The following FBXO36 variants were observed in gnomAD, a reference collection of about 807,000 sequenced individuals.
The protein encoded by FBXO36 is F-box protein 36.
In FBXO36, 18 loss-of-function variants were observed where a neutral mutation model predicts 17.0. The ratio of observed to expected loss-of-function variants is 1.06; its 90% CI spans 0.73 to 1.57. The LOEUF (loss-of-function observed/expected upper bound fraction) is 1.57. FBXO36 is among the 40% of genes most tolerant of loss of function. FBXO36 has a pLI of 0.00. For synonymous variants in FBXO36, 83 were observed against 85.3 expected (o/e 0.97, Z 0.15); for missense variants, 229 against 221.9 (o/e 1.03, Z -0.20).
At chr2:230,001,293 T>G (rs1231540112) in intron 3 of FBXO36, among the ~76,000 whole-genome samples, 1 of 151,430 alleles carries the variant, frequency 6.6e-6, no homozygotes, top group African/African-American at 2.4e-5. Context: ...TCTTTTTTCT[T>G]TTTTTTTCTT....
chr2:229,954,392 G>T (rs1004400808), intron 1 of FBXO36, among the ~76,000 whole-genome samples: 2 of 150,660 alleles, frequency 1.3e-5, no homozygotes, highest in Non-Finnish European at 3.0e-5. Flanking sequence ...ACAGGCATGC[G>T]CCACCACACC....
chr2:229,935,969 T>C (rs1461271215), intron 1 of FBXO36, among the ~76,000 whole-genome samples: 3 of 152,086 alleles, frequency 2.0e-5, no homozygotes, highest in Non-Finnish European at 4.4e-5. Flanking sequence ...GGGTGGATTA[T>C]TTGAGGTTAT....
At chr2:229,993,658 A>G (rs1027424145) in intron 2 of FBXO36, among the ~76,000 whole-genome samples, 1 of 152,222 alleles carries the variant, frequency 6.6e-6, no homozygotes, top group Non-Finnish European at 1.5e-5. Context: ...ACATTTAAAA[A>G]TACCAAAAAA....
At chr2:229,998,852 AAGT>A (rs2077341763) in intron 3 of FBXO36, among the ~76,000 whole-genome samples, 1 of 145,960 alleles carries the variant, frequency 6.9e-6, no homozygotes, top group Non-Finnish European at 1.5e-5. Flanking sequence ...GCCCAGGCTG[AAGT>A]GCAGTGGCGC....
intron 3 of FBXO36, among the ~76,000 whole-genome samples, chr2:230,001,057 C>G (rs2077355994): frequency 6.6e-6 from 1 of 151,740 alleles, no homozygotes; most frequent in Admixed American, 6.6e-5. Context: ...CTGGGTTTCA[C>G]CATGTTGGCC....
At chr2:229,941,076 C>T (rs1160485348) in intron 1 of FBXO36, among the ~76,000 whole-genome samples, 1 of 152,146 alleles carries the variant, frequency 6.6e-6, no homozygotes, top group African/African-American at 2.4e-5. Flanking sequence ...AAGATAGACA[C>T]CTGACTCTAG....
At chr2:229,937,810 T>G (rs1188900034) in intron 1 of FBXO36, 1 of 152,216 alleles carries the variant, frequency 6.6e-6, no homozygotes, top group Non-Finnish European at 1.5e-5. Flanking sequence ...AAAGGGTGTC[T>G]CTTCTTGCTC....
intron 1 of FBXO36, among the ~76,000 whole-genome samples, chr2:229,971,055 A>G (rs2077177540): frequency 6.6e-6 from 1 of 152,164 alleles, no homozygotes; most frequent in Non-Finnish European, 1.5e-5. Flanking sequence ...GTCTCTTTTT[A>G]CAAGTGATAA....
intron 1 of FBXO36, among the ~76,000 whole-genome samples, chr2:229,934,616 A>G (rs1464106030): frequency 1.3e-5 from 2 of 152,132 alleles, no homozygotes; most frequent in Admixed American, 6.6e-5. Context: ...GCACCAAATC[A>G]GTCAGACTTT....
At chr2:229,999,501 A>G (rs1021367290) in intron 3 of FBXO36, among the ~76,000 whole-genome samples, 23 of 143,304 alleles carry the variant, frequency 1.6e-4, no homozygotes, top group Non-Finnish European at 2.1e-4. Context: ...ATATATATGT[A>G]TATATATATA....
intron 1 of FBXO36, among the ~76,000 whole-genome samples, chr2:229,959,719 G>A (rs549070610): frequency 7.2e-5 from 11 of 152,064 alleles, no homozygotes; most frequent in Non-Finnish European, 8.8e-5. Flanking sequence ...GGTGGTGGGC[G>A]CCTGTAGTCC....
In FBXO36 at chr2:229,955,346, A is replaced by G. The variant is rs2077081599; in HGVS notation, c.97-20895A>G. 2.0e-5 allele frequency among the ~76,000 whole-genome samples: 3 copies of G among 152,044 alleles called. No homozygotes were observed. The South Asian group carries it at 6.2e-4, about 32-fold the overall frequency. Reference sequence around the variant, plus strand: ...TTGTTTGAGCCTGGGCAATATGGCAAAACCCTATCTCTATAAAAAATTAGC... The same window carrying G: ...TTGTTTGAGCCTGGGCAATATGGCAGAACCCTATCTCTATAAAAAATTAGC... On this transcript the variant is annotated intron_variant, in intron 1 of 3. Transcript: ENST00000283946.
chr2:229,980,930 T>C (rs1053209898), intron 2 of FBXO36, among the ~76,000 whole-genome samples: 2 of 152,180 alleles, frequency 1.3e-5, no homozygotes, highest in African/African-American at 4.8e-5. Flanking sequence ...CCTGTGTCTC[T>C]AAGGGGAAAA....
At chr2:229,936,501 AGATT>A (rs1195659046) in intron 1 of FBXO36, among the ~76,000 whole-genome samples, 9 of 152,312 alleles carry the variant, frequency 5.9e-5, no homozygotes, top group Admixed American at 3.9e-4. Context: ...TTATAAAGAT[AGATT>A]GTTTTATAAG....
Position 229,922,540 on chromosome 2 carries a change from CTT to C in FBXO36, c.29_30del (p.Phe10Ter), listed in dbSNP as rs1355429702. 5 of 1,613,910 alleles carry C rather than the reference CTT, an allele frequency of 3.1e-6. No individual in the cohort carries two copies. The highest frequency in any genetic ancestry group is 3.3e-5 in the Admixed American group (2 of 59,992). On this transcript the variant is annotated frameshift_variant, in exon 1 of 4. Coordinates refer to ENST00000283946, the MANE Select transcript of FBXO36 (RefSeq NM_174899.5). LOFTEE classifies it high-confidence loss of function. ...TGGCGTCGTGGCTGCCGGAGACTCT[CTT>C]TGAAACTGTAGGACAAGGCCCGCCG... MASWLPETL[F>X]ETVGQGPPPS...
chr2:229,964,963 T>G (rs961956561), intron 1 of FBXO36, among the ~76,000 whole-genome samples: 3 of 152,168 alleles, frequency 2.0e-5, no homozygotes, highest in Non-Finnish European at 4.4e-5. Flanking sequence ...ACTATAAAGG[T>G]CTTTGGAGAT....
intron 3 of FBXO36, among the ~76,000 whole-genome samples, chr2:230,006,801 C>A (rs1360477191): frequency 1.3e-5 from 2 of 152,154 alleles, no homozygotes; most frequent in Non-Finnish European, 2.9e-5. Flanking sequence ...CACGGCCAGA[C>A]CTGACGCCGT....
At chr2:229,976,496 A>G in intron 2 of FBXO36, 147 bp downstream of exon 2, 3 of 613,014 alleles carry the variant, frequency 4.9e-6, no homozygotes, top group Non-Finnish European at 5.6e-6. Context: ...CTTAAAAACT[A>G]GAAAACTGTT....
chr2:229,947,344 A>C (rs13399703), intron 1 of FBXO36, among the ~76,000 whole-genome samples: 1 of 152,214 alleles, frequency 6.6e-6, no homozygotes, highest in Admixed American at 6.6e-5. Context: ...GGAGGGATTC[A>C]TTTTAGCAGT....
Sources: allele counts gnomAD v4.1 joint callset (sites outside exome capture counted in the v4.1 genomes callset), GRCh38; gene constraint gnomAD v4.1.1; transcripts MANE v1.5; gene names NCBI Gene and HGNC (gene_info 2026-07-23, HGNC 2026-07-21).